Variants in KLHL5 observed in about 807,000 individuals in gnomAD.
KLHL5 encodes the protein kelch like family member 5, also known as kelch-like protein 5.
A neutral mutation model predicts 77.7 loss-of-function variants in KLHL5; 48 were observed. The observed-to-expected ratio is 0.62, with a 90% CI of 0.49 to 0.79. The LOEUF (loss-of-function observed/expected upper bound fraction) is 0.79. Among genes scored for constraint, KLHL5 ranks in the 30% least tolerant of loss-of-function variants. The pLI, the probability that KLHL5 is intolerant of heterozygous loss-of-function variation, is 0.00. For missense variants in KLHL5, 723 were observed against 859.7 expected (o/e 0.84, Z 1.99); for synonymous variants, 260 against 297.0 (o/e 0.88, Z 1.28).
chr4:39,095,560 G>T (rs1376629329), intron 5 of KLHL5, among the ~76,000 whole-genome samples: 1 of 151,702 alleles, frequency 6.6e-6, no homozygotes, highest in Non-Finnish European at 1.5e-5. Flanking sequence ...TTCTGTACTG[G>T]ACTTGTTTTT....
chr4:39,045,027 C>T, upstream of KLHL5: 1 of 993,918 alleles, frequency 1.0e-6, no homozygotes, highest in African/African-American at 1.7e-5. Context: ...CCGGCCCCCG[C>T]CTCCCCCGCT....
intron 6 of KLHL5, among the ~76,000 whole-genome samples, chr4:39,102,215 C>T (rs548013996): frequency 2.2e-4 from 34 of 151,584 alleles, no homozygotes; most frequent in Non-Finnish European, 3.7e-4. Flanking sequence ...AAGGCTAGCG[C>T]GGCTTACATG....
chr4:39,128,769 C>A (rs986377440), downstream of KLHL5, among the ~76,000 whole-genome samples: 2 of 151,976 alleles, frequency 1.3e-5, no homozygotes, highest in African/African-American at 2.4e-5. Context: ...TCGAGACCAG[C>A]CTGGGAACAC....
chr4:39,133,133 A>T, the KLHL5 span, among the ~76,000 whole-genome samples: 1 of 152,124 alleles, frequency 6.6e-6, no homozygotes, highest in Non-Finnish European at 1.5e-5. Flanking sequence ...AATAAAAATT[A>T]TTCAGGTCAA....
chr4:39,138,192 G>A, the KLHL5 span, among the ~76,000 whole-genome samples: 1 of 152,082 alleles, frequency 6.6e-6, no homozygotes, highest in Non-Finnish European at 1.5e-5. Context: ...AAGATGGTGT[G>A]GTGATTCCTC....
intron 6 of KLHL5, among the ~76,000 whole-genome samples, chr4:39,098,855 T>C (rs1043291186): frequency 2.0e-5 from 3 of 151,710 alleles, no homozygotes; most frequent in African/African-American, 7.3e-5. Context: ...TGAGCCACAG[T>C]GCCCGGCCAC....
intron 7 of KLHL5, among the ~76,000 whole-genome samples, chr4:39,105,862 G>A (rs1374064818): frequency 1.3e-5 from 2 of 151,944 alleles, no homozygotes; most frequent in Non-Finnish European, 1.5e-5. Context: ...CATGAATGAT[G>A]AGTATTTTTC....
chr4:39,047,534 G>A (rs1716284624), intron 1 of KLHL5, among the ~76,000 whole-genome samples: 1 of 152,222 alleles, frequency 6.6e-6, no homozygotes, highest in African/African-American at 2.4e-5. Flanking sequence ...AATTTGTTAA[G>A]GACCAAAGTG....
intron 1 of KLHL5, among the ~76,000 whole-genome samples, chr4:39,069,076 T>C (rs1392008132): frequency 6.6e-6 from 1 of 152,132 alleles, no homozygotes; most frequent in East Asian, 1.9e-4. Context: ...CTCCTTCCTG[T>C]AGGATATTAT....
At chr4:39,079,594 A>G (rs1271360264) in intron 2 of KLHL5, among the ~76,000 whole-genome samples, 8 of 152,160 alleles carry the variant, frequency 5.3e-5, no homozygotes, top group African/African-American at 1.9e-4. Flanking sequence ...GAGACCACCT[A>G]TTTAAACTTA....
chr4:39,093,181 A>G (rs1320221586), intron 5 of KLHL5: 4 of 454,460 alleles, frequency 8.8e-6, no homozygotes, highest in Non-Finnish European at 1.8e-5. Flanking sequence ...GTAAAAAGAA[A>G]TGAAGCACTG....
intron 5 of KLHL5, among the ~76,000 whole-genome samples, chr4:39,094,313 GA>G (rs1179550220): frequency 6.6e-6 from 1 of 151,338 alleles, no homozygotes; most frequent in Non-Finnish European, 1.5e-5. Context: ...AAATATATAG[GA>G]AATATATAAT....
intron 1 of KLHL5, among the ~76,000 whole-genome samples, chr4:39,073,539 A>AT (rs1241736419): frequency 1.6e-5 from 1 of 64,192 alleles, no homozygotes; most frequent in Non-Finnish European, 3.4e-5. Flanking sequence ...AGATATTATA[A>AT]TTTTTCCCCT....
chr4:39,107,611 A>G lies in KLHL5; in HGVS notation c.1568A>G (p.His523Arg), dbSNP rs201562340. 1.2e-6 allele frequency: 2 copies of G among 1,612,508 alleles called. No homozygotes were observed. Among genetic ancestry groups the G allele is most frequent in the Non-Finnish European group, 1.7e-6 (2 of 1,178,938 alleles). ...LEGPMYAVGG[H>R]DGWSYLNTVE... ...GGTCCCATGTATGCCGTAGGAGGAC[A>G]TGATGGCTGGAGCTATCTGAACACA... The change falls in exon 8 of 11, where the codon CAT becomes CGT. Residue 523 changes from histidine (H) to arginine (R), a missense_variant. By Grantham distance (29) the His-to-Arg change is conservative. Around this residue, in one of 3 missense-constraint regions of KLHL5, gnomAD observed 214 missense variants for 237.4 expected, o/e 0.90. Coordinates refer to ENST00000504108, the MANE Select transcript of KLHL5 (RefSeq NM_015990.5).
In KLHL5 at chr4:39,085,553, G is replaced by A. The variant is rs1026611073; in HGVS notation, c.901-962G>A. On this transcript the variant is annotated intron_variant, in intron 4 of 10. Transcript: ENST00000504108. ...GTGTCTAGTATTTGCATTTATAACCGTGTCAACTATCCATTCATTAAGACT... is the reference window on the plus strand; with the variant it reads ...GTGTCTAGTATTTGCATTTATAACCATGTCAACTATCCATTCATTAAGACT... 6.6e-5 allele frequency among the ~76,000 whole-genome samples: 10 copies of A among 152,220 alleles called. No homozygotes were observed. The South Asian group carries it at 1.2e-3, about 19-fold the overall frequency.
chr4:39,058,628 A>G (rs894761268), upstream of KLHL5, among the ~76,000 whole-genome samples: 7 of 152,064 alleles, frequency 4.6e-5, no homozygotes, highest in African/African-American at 1.7e-4. Flanking sequence ...AAAAATATAT[A>G]TATATTTTGT....
chr4:39,096,858 G>A lies in KLHL5; in HGVS notation c.1280G>A (p.Gly427Glu). ...KSTVGTLFAV[G>E]GMDSTKGATS... ...ACTGTTGGTACATTATTTGCAGTTG[G>A]GGGAATGGATTCAACAAAAGGTATC... is the stretch of plus-strand genomic sequence containing the variant. Residue 427 changes from glycine to glutamate, a missense_variant, in exon 6 of 11, where the codon GGG becomes GAG. Transcript: ENST00000504108. 1 of 1,613,424 alleles carries A rather than the reference G, an allele frequency of 6.2e-7. No homozygotes were observed. The highest frequency in any genetic ancestry group is 1.1e-5 in the South Asian group (1 of 91,034).
At chr4:39,131,017 A>AT (rs11464461), downstream of KLHL5, among the ~76,000 whole-genome samples, 64,241 of 133,754 alleles carry the variant, frequency 0.48, 16,748 homozygotes, top group Non-Finnish European at 0.59. Context: ...AAATTTTTGT[A>AT]TTTTTTTTTT....
At chr4:39,136,872 G>A in the KLHL5 span, among the ~76,000 whole-genome samples, 2 of 152,202 alleles carry the variant, frequency 1.3e-5, no homozygotes, top group African/African-American at 2.4e-5. Flanking sequence ...GCGTTGCAAG[G>A]AGGCCATCCA....
Sources: allele counts gnomAD v4.1 joint callset (sites outside exome capture counted in the v4.1 genomes callset), GRCh38; gene constraint gnomAD v4.1.1; regional missense constraint gnomAD v4.1.1; transcripts MANE v1.5; gene names NCBI Gene and HGNC (gene_info 2026-07-23, HGNC 2026-07-21).